Variants in CCDC146 observed in about 807,000 individuals in gnomAD.
CCDC146 encodes coiled-coil domain containing 146.
CCDC146 carries 92 observed loss-of-function variants against 119.3 expected under a neutral mutation model. The ratio of observed to expected loss-of-function variants is 0.77; its 90% CI spans 0.65 to 0.92. The LOEUF (loss-of-function observed/expected upper bound fraction) is 0.92, where lower values mean the gene tolerates loss of function less well. Among genes scored for constraint, CCDC146 ranks in the 40% least tolerant of loss-of-function variants. The pLI is 0.00. For missense variants in CCDC146, 1,000 were observed against 1,103.0 expected (o/e 0.91, Z 1.32); for synonymous variants, 372 against 371.8 (o/e 1.00, Z -0.01).
At chr7:77,281,496 G>A (rs1340194719) in intron 14 of CCDC146, among the ~76,000 whole-genome samples, 1 of 152,206 alleles carries the variant, frequency 6.6e-6, no homozygotes, top group Non-Finnish European at 1.5e-5. Flanking sequence ...AGAGCCCTGT[G>A]ATAATGACAT....
intron 2 of CCDC146, among the ~76,000 whole-genome samples, chr7:77,200,662 C>T (rs565700948): frequency 1.3e-5 from 2 of 152,304 alleles, no homozygotes; most frequent in South Asian, 2.1e-4. Context: ...CCCTGGCAGG[C>T]GGGCCTCTTG....
chr7:77,270,916 T>C (rs1194163661), intron 9 of CCDC146, among the ~76,000 whole-genome samples: 2 of 152,196 alleles, frequency 1.3e-5, no homozygotes, highest in East Asian at 3.9e-4. Flanking sequence ...GCCAGCTCCT[T>C]TTAACAGGAA....
intron 9 of CCDC146, among the ~76,000 whole-genome samples, chr7:77,269,644 T>C (rs900624620): frequency 1.3e-5 from 2 of 152,254 alleles, no homozygotes; most frequent in Non-Finnish European, 2.9e-5. Flanking sequence ...TTATAAAAGC[T>C]ATTTATATTA....
intron 2 of CCDC146, among the ~76,000 whole-genome samples, chr7:77,181,921 G>A (rs899954859): frequency 8.6e-5 from 13 of 151,988 alleles, no homozygotes; most frequent in Admixed American, 3.3e-4. Flanking sequence ...GATGGTTTGC[G>A]TAATCATATT....
At position 77,126,033 on chromosome 7, in the gene CCDC146, A is replaced by C. The variant is rs1242890559; in HGVS notation, c.-12+3301A>C. ...TTGAGTTGGAGTGGCAAAAGCAAAA[A>C]TCCTTGATTTATTTCCTATTTATGA... On this transcript the variant is annotated intron_variant, in intron 1 of 18. Coordinates refer to ENST00000285871, the MANE Select transcript of CCDC146 (RefSeq NM_020879.3). Among the ~76,000 whole-genome samples, 11 of 152,258 alleles carry C rather than the reference A, an allele frequency of 7.2e-5. No homozygotes were observed. In the East Asian group the frequency reaches 9.6e-4, roughly 13 times the overall value.
At chr7:77,283,530 A>AT (rs1157564422) in intron 15 of CCDC146, among the ~76,000 whole-genome samples, 3 of 151,984 alleles carry the variant, frequency 2.0e-5, no homozygotes, top group African/African-American at 2.4e-5. Flanking sequence ...TTGCGTTTGG[A>AT]TTTTTTTTCC....
At chr7:77,236,568 A>G (rs1792741118) in intron 2 of CCDC146, among the ~76,000 whole-genome samples, 1 of 152,260 alleles carries the variant, frequency 6.6e-6, no homozygotes, top group Non-Finnish European at 1.5e-5. Context: ...CACATACTCT[A>G]ATAGCTGTTC....
chr7:77,243,570 T>C (rs1311048691), intron 4 of CCDC146, among the ~76,000 whole-genome samples: 1 of 152,238 alleles, frequency 6.6e-6, no homozygotes, highest in Non-Finnish European at 1.5e-5. Context: ...ATGGACTGTC[T>C]ATATGGTGGT....
intron 2 of CCDC146, among the ~76,000 whole-genome samples, chr7:77,224,009 G>A (rs988316445): frequency 3.9e-5 from 6 of 152,190 alleles, no homozygotes; most frequent in African/African-American, 1.4e-4. Flanking sequence ...AGGAGTAATA[G>A]GAGTGTTCCA....
chr7:77,169,465 T>C (rs1791384972), intron 2 of CCDC146, among the ~76,000 whole-genome samples: 1 of 152,260 alleles, frequency 6.6e-6, no homozygotes, highest in African/African-American at 2.4e-5. Flanking sequence ...TTGGGATTTA[T>C]TGGTGATACT....
At chr7:77,216,679 T>G (rs1792307094) in intron 2 of CCDC146, among the ~76,000 whole-genome samples, 1 of 152,202 alleles carries the variant, frequency 6.6e-6, no homozygotes, top group Admixed American at 6.5e-5. Context: ...ATTTTCTCAT[T>G]TGTCTACATT....
intron 2 of CCDC146, among the ~76,000 whole-genome samples, chr7:77,225,467 C>T (rs1038845064): frequency 2.0e-5 from 3 of 151,918 alleles, no homozygotes; most frequent in Admixed American, 6.6e-5. Flanking sequence ...GCAGGAGTAT[C>T]GCTTGAGCCA....
intron 17 of CCDC146, among the ~76,000 whole-genome samples, chr7:77,292,508 T>C (rs904123619): frequency 2.7e-5 from 4 of 150,648 alleles, no homozygotes; most frequent in African/African-American, 9.8e-5. Flanking sequence ...TCCCAGCTAC[T>C]CGGGAGGCTG....
At chr7:77,197,816 A>C (rs548951066) in intron 2 of CCDC146, among the ~76,000 whole-genome samples, 70 of 152,290 alleles carry the variant, frequency 4.6e-4, no homozygotes, top group African/African-American at 1.6e-3. Flanking sequence ...CCACTATTTC[A>C]CATGTTGGGT....
chr7:77,276,053 A>G (rs538942072), intron 11 of CCDC146, among the ~76,000 whole-genome samples: 1 of 151,960 alleles, frequency 6.6e-6, no homozygotes, highest in East Asian at 1.9e-4. Flanking sequence ...CTGAAATACA[A>G]AAATTAGCCA....
At chr7:77,163,312 G>A (rs1031587766) in intron 1 of CCDC146, among the ~76,000 whole-genome samples, 46 of 152,082 alleles carry the variant, frequency 3.0e-4, no homozygotes, top group African/African-American at 1.1e-3. Flanking sequence ...GCTGGGTGTG[G>A]TGGCACACGC....
chr7:77,241,049 CGGGAG>C (rs1792836946), intron 3 of CCDC146, among the ~76,000 whole-genome samples: 2 of 63,412 alleles, frequency 3.2e-5, no homozygotes, highest in Admixed American at 1.3e-4. Context: ...GTCGCCCAGG[CGGGAG>C]TGCAGTGGCT....
chr7:77,269,982 A>C (rs1226691324), intron 9 of CCDC146, among the ~76,000 whole-genome samples: 1 of 152,214 alleles, frequency 6.6e-6, no homozygotes, highest in African/African-American at 2.4e-5. Context: ...GTAAACATGA[A>C]GAGCTCTAGC....
intron 2 of CCDC146, among the ~76,000 whole-genome samples, chr7:77,230,750 A>T (rs1188749393): frequency 6.6e-6 from 1 of 152,112 alleles, no homozygotes; most frequent in Non-Finnish European, 1.5e-5. Context: ...GCTCCTGAAT[A>T]TGTTTTCATC....
Sources: allele counts gnomAD v4.1 joint callset (sites outside exome capture counted in the v4.1 genomes callset), GRCh38; gene constraint gnomAD v4.1.1; transcripts MANE v1.5; gene names NCBI Gene and HGNC (gene_info 2026-07-23, HGNC 2026-07-21).